SASS6: variants seen among roughly 807,000 people sequenced by gnomAD.
SASS6 encodes the protein SAS-6 centriolar assembly protein, also known as spindle assembly abnormal protein 6 homolog.
SASS6 carries 59 observed loss-of-function variants against 94.9 expected under a neutral mutation model. The ratio of observed to expected loss-of-function variants is 0.62; its 90% CI spans 0.50 to 0.77. The LOEUF (loss-of-function observed/expected upper bound fraction) is 0.77. Among genes scored for constraint, SASS6 ranks in the 30% least tolerant of loss-of-function variants. SASS6 has a pLI of 0.00. For missense variants in SASS6, 698 were observed against 734.1 expected (o/e 0.95, Z 0.57); for synonymous variants, 264 against 270.0 (o/e 0.98, Z 0.22).
intron 8 of SASS6, among the ~76,000 whole-genome samples, chr1:100,108,707 G>A (rs188964785): frequency 6.6e-6 from 1 of 152,006 alleles, no homozygotes; most frequent in Admixed American, 6.6e-5. Flanking sequence ...ACAAACTTTA[G>A]TATCAAACAA....
chr1:100,114,784 T>C lies in SASS6; in HGVS notation c.669+4234A>G, dbSNP rs530948952. Among the ~76,000 whole-genome samples, 16 of 152,158 alleles carry C rather than the reference T, an allele frequency of 1.1e-4. 1 individual carries two copies. The South Asian group carries it at 3.3e-3, about 32-fold the overall frequency. The stretch of plus-strand genomic sequence containing the variant: ...AATAGCAAATTGATACAATAGTTTA[T>C]TAAAAATCGCTATGACTATTTAAGT... On this transcript the variant is annotated intron_variant, in intron 7 of 16. Transcript: ENST00000287482.
chr1:100,114,340 A>G (rs928131012), intron 7 of SASS6, among the ~76,000 whole-genome samples: 9 of 152,024 alleles, frequency 5.9e-5, no homozygotes, highest in African/African-American at 2.2e-4. Flanking sequence ...GCGAACTATG[A>G]TGTGCAGGAA....
chr1:100,106,860 A>C, intron 12 of SASS6, 52 bp downstream of exon 12: 2 of 821,782 alleles, frequency 2.4e-6, no homozygotes, highest in Non-Finnish European at 4.1e-6. Flanking sequence ...TCTCAAAAAA[A>C]TAAAAGAATA....
chr1:100,093,638 T>TG (rs1216551706), intron 14 of SASS6, among the ~76,000 whole-genome samples: 4 of 152,048 alleles, frequency 2.6e-5, no homozygotes, highest in African/African-American at 9.7e-5. Flanking sequence ...GGTGTGCACC[T>TG]GTAGTCCCAG....
intron 14 of SASS6, among the ~76,000 whole-genome samples, chr1:100,094,891 CA>C (rs1202031643): frequency 6.8e-6 from 1 of 147,606 alleles, no homozygotes; most frequent in Non-Finnish European, 1.5e-5. Flanking sequence ...GAAAAAGAAA[CA>C]AAAAGTAAAT....
Position 100,084,146 on chromosome 1 carries a change from A to C in SASS6, c.*1182T>G. The C allele has an allele frequency of 6.6e-6, 1 of 151,822 alleles. No individual in the cohort carries two copies. The highest frequency in any genetic ancestry group is 1.9e-4 in the East Asian group (1 of 5,166). The allele number at this position is 151,822 out of a possible 1,614,324, so 9.4% of individuals were successfully genotyped here. The stretch of plus-strand genomic sequence containing the variant: ...AGTTTCAAGATACTGGCTTCGTAAA[A>C]AAAAAAAAAAAATTAGCAAAGATTC... On this transcript the variant is annotated 3_prime_UTR_variant, in exon 17 of 17. Coordinates refer to ENST00000287482, the MANE Select transcript of SASS6 (RefSeq NM_194292.3).
At position 100,084,581 on chromosome 1, in the gene SASS6, T is replaced by TA. The variant is rs1330965367; in HGVS notation, c.*746dup. Reference sequence around the variant, plus strand: ...GTACCAAGTTTTAAAAGTCCACTGATACAGATTTAACTGCATAATAAAACT... The same window carrying TA: ...GTACCAAGTTTTAAAAGTCCACTGATAACAGATTTAACTGCATAATAAAACT... On this transcript the variant is annotated 3_prime_UTR_variant, in exon 17 of 17. Coordinates refer to ENST00000287482, the MANE Select transcript of SASS6 (RefSeq NM_194292.3). 2 of 152,128 alleles carry TA rather than the reference T, an allele frequency of 1.3e-5. No homozygotes were observed. The highest frequency in any genetic ancestry group is 6.5e-5 in the Admixed American group (1 of 15,280). 9.4% of individuals were successfully genotyped at this position (152,128 alleles called of 1,614,324 possible).
chr1:100,120,477 A>AC lies in SASS6; in HGVS notation c.484-19_484-18insG. ...TTTTCTTCCTATTCATAAAAATAAT[A>AC]AAATTACACAGTTTACAATGTAATC... is the stretch of plus-strand genomic sequence containing the variant. On this transcript the variant is annotated intron_variant, in intron 5 of 16. Coordinates refer to ENST00000287482, the MANE Select transcript of SASS6 (RefSeq NM_194292.3). 9.2e-7 allele frequency: 1 copy of AC among 1,090,792 alleles called. No individual in the cohort carries two copies. Among genetic ancestry groups the AC allele is most frequent in the South Asian group, 1.3e-5 (1 of 79,936 alleles). 67.6% of individuals were successfully genotyped at this position (1,090,792 alleles called of 1,614,324 possible). A position where few individuals can be genotyped will look rare whatever the true frequency, so the allele number is the denominator to read the frequency against.
chr1:100,114,832 G>T (rs1653669899), intron 7 of SASS6, among the ~76,000 whole-genome samples: 1 of 152,124 alleles, frequency 6.6e-6, no homozygotes. Context: ...ATGCAAAGAT[G>T]ATTCCACCTT....
intron 1 of SASS6, among the ~76,000 whole-genome samples, chr1:100,132,025 C>T (rs1035464129): frequency 2.0e-5 from 3 of 152,136 alleles, no homozygotes; most frequent in African/African-American, 7.2e-5. Flanking sequence ...AATCTATTTA[C>T]GCCCCAATAA....
chr1:100,101,266 G>A (rs1349650153), intron 14 of SASS6, among the ~76,000 whole-genome samples: 6 of 151,428 alleles, frequency 4.0e-5, no homozygotes, highest in African/African-American at 1.5e-4. Context: ...AGTAGTATAT[G>A]CATAAATTCA....
chr1:100,121,649 G>GTCCTCAATGTGCTCCCTTT, intron 4 of SASS6, 100 bp from the exon 5 acceptor site: 1 of 675,268 alleles, frequency 1.5e-6, no homozygotes, highest in African/African-American at 1.9e-5. Context: ...AGGAAAGGGA[G>GTCCTCAATGTGCTCCCTTT]CACATTGAGG....
intron 2 of SASS6, 21 bp downstream of exon 2, chr1:100,125,861 A>C (rs1462382876): frequency 7.8e-7 from 1 of 1,280,504 alleles, no homozygotes; most frequent in Admixed American, 1.9e-5. Context: ...ATGATATTTC[A>C]AAAAAGGACT....
rs761256685 is a variant in SASS6, at chr1:100,122,515, A to T, written c.207-31T>A. On this transcript the variant is annotated intron_variant, in intron 3 of 16. Transcript: ENST00000287482. ...CAGAAGAAAGGAAAAGAAATTTTTT[A>T]AAAATTTTAATTAACTTTGTTTTGT... The T allele has an allele frequency of 4.3e-6, 4 of 940,618 alleles. No homozygotes were observed. In the Admixed American group the frequency reaches 7.2e-5, roughly 17 times the overall value. 58.3% of individuals were successfully genotyped at this position (940,618 alleles called of 1,614,324 possible). A position where few individuals can be genotyped will look rare whatever the true frequency, so the allele number is the denominator to read the frequency against.
intron 1 of SASS6, among the ~76,000 whole-genome samples, chr1:100,127,668 A>G (rs1240887296): frequency 6.6e-6 from 1 of 152,230 alleles, no homozygotes; most frequent in Non-Finnish European, 1.5e-5. Flanking sequence ...TGTGAAACAG[A>G]TTAGAGTGTT....
chr1:100,117,092 G>A (rs905092239), intron 7 of SASS6, among the ~76,000 whole-genome samples: 2 of 151,756 alleles, frequency 1.3e-5, no homozygotes, highest in African/African-American at 2.4e-5. Context: ...TCAGGAGTTC[G>A]AGACCATCCT....
chr1:100,096,666 A>C (rs1652129361), intron 14 of SASS6, among the ~76,000 whole-genome samples: 1 of 152,266 alleles, frequency 6.6e-6, no homozygotes, highest in Non-Finnish European at 1.5e-5. Context: ...AGAATATACA[A>C]AGAACTTATA....
chr1:100,111,375 TA>T (rs1038876174), intron 7 of SASS6, among the ~76,000 whole-genome samples: 5 of 152,018 alleles, frequency 3.3e-5, no homozygotes, highest in African/African-American at 1.2e-4. Flanking sequence ...CTCACATCAT[TA>T]AAAAATTCTT....
chr1:100,120,891 A>G (rs1251831493), intron 5 of SASS6, among the ~76,000 whole-genome samples: 2 of 151,768 alleles, frequency 1.3e-5, no homozygotes, highest in Non-Finnish European at 2.9e-5. Flanking sequence ...TCTACTAAAA[A>G]TACAAAAAAT....
Sources: allele counts gnomAD v4.1 joint callset (sites outside exome capture counted in the v4.1 genomes callset), GRCh38; gene constraint gnomAD v4.1.1; transcripts MANE v1.5; gene names NCBI Gene and HGNC (gene_info 2026-07-23, HGNC 2026-07-21).